PRTG: variants seen among roughly 807,000 people sequenced by gnomAD.
PRTG encodes the protein protogenin.
PRTG carries 67 observed loss-of-function variants against 122.5 expected under a neutral mutation model. The ratio of observed to expected loss-of-function variants is 0.55; its 90% CI spans 0.45 to 0.67. The LOEUF (loss-of-function observed/expected upper bound fraction) is 0.67, where lower values mean the gene tolerates loss of function less well. Ranked by LOEUF, PRTG falls within the 30% of genes least tolerant of loss-of-function variation. The probability of loss-of-function intolerance (pLI) is 0.00; values close to 1 mark genes in which losing one functional copy is unlikely to be tolerated. For synonymous variants in PRTG, 554 were observed against 501.1 expected (o/e 1.11, Z -1.41); for missense variants, 1,435 against 1,415.4 (o/e 1.01, Z -0.22).
At chr15:55,671,414 T>C (rs900517264) in intron 11 of PRTG, among the ~76,000 whole-genome samples, 1 of 152,266 alleles carries the variant, frequency 6.6e-6, no homozygotes, top group Admixed American at 6.5e-5. Flanking sequence ...AAAAATCTAC[T>C]TATGAGCAAC....
At chr15:55,713,974 CT>C (rs2030500658) in intron 2 of PRTG, among the ~76,000 whole-genome samples, 1 of 152,040 alleles carries the variant, frequency 6.6e-6, no homozygotes, top group Non-Finnish European at 1.5e-5. Context: ...ATTTTAAAAT[CT>C]TTCCCAATCC....
intron 2 of PRTG, among the ~76,000 whole-genome samples, chr15:55,687,462 T>C (rs986683900): frequency 3.9e-5 from 6 of 152,224 alleles, no homozygotes; most frequent in African/African-American, 1.4e-4. Context: ...TGTTGTTTTT[T>C]CACTCTGAAT....
At chr15:55,643,388 AG>A (rs2059303298) in intron 11 of PRTG, among the ~76,000 whole-genome samples, 1 of 152,160 alleles carries the variant, frequency 6.6e-6, no homozygotes, top group Non-Finnish European at 1.5e-5. Flanking sequence ...AAACACCATA[AG>A]GTAGATGTTA....
intron 2 of PRTG, among the ~76,000 whole-genome samples, chr15:55,684,515 CTT>C (rs953075978): frequency 9.9e-5 from 15 of 152,234 alleles, no homozygotes; most frequent in African/African-American, 3.4e-4. Flanking sequence ...CAGATCAAGA[CTT>C]TATGGGAAAG....
At chr15:55,685,520 G>A (rs897566327) in intron 2 of PRTG, among the ~76,000 whole-genome samples, 1 of 152,118 alleles carries the variant, frequency 6.6e-6, no homozygotes, top group African/African-American at 2.4e-5. Flanking sequence ...GTTATGTAAT[G>A]CATGGTATTA....
At chr15:55,661,001 A>G (rs1344343715) in intron 11 of PRTG, among the ~76,000 whole-genome samples, 2 of 152,154 alleles carry the variant, frequency 1.3e-5, no homozygotes, top group Non-Finnish European at 2.9e-5. Flanking sequence ...TTTTGTTCTC[A>G]TGTGTTTTTT....
At chr15:55,673,187 CAAAT>C (rs1355048132) in intron 10 of PRTG, among the ~76,000 whole-genome samples, 180 bp downstream of exon 10, 3 of 152,090 alleles carry the variant, frequency 2.0e-5, no homozygotes, top group African/African-American at 7.2e-5. Context: ...AGTTTACACA[CAAAT>C]AAACTCTATG....
At position 55,641,057 on chromosome 15, in the gene PRTG, G is replaced by A. The variant is rs540537208; in HGVS notation, c.2137+56C>T. 94 of 1,163,422 alleles carry A rather than the reference G, an allele frequency of 8.1e-5. No homozygotes were observed. The African/African-American group carries it at 1.3e-3, about 16-fold the overall frequency. The allele number at this position is 1,163,422 out of a possible 1,614,324, so 72.1% of individuals were successfully genotyped here. A position where few individuals can be genotyped will look rare whatever the true frequency, so the allele number is the denominator to read the frequency against. ...GTGAGACTGTAACTTAAAGGAGGAG[G>A]AGGAGAAAGAACGGTGTGAGCCATA... is the stretch of plus-strand genomic sequence containing the variant. On this transcript the variant is annotated intron_variant, in intron 12 of 19. Coordinates refer to ENST00000389286, the MANE Select transcript of PRTG (RefSeq NM_173814.6).
chr15:55,735,718 T>TG (rs1555438265), intron 2 of PRTG, among the ~76,000 whole-genome samples: 1 of 114,306 alleles, frequency 8.7e-6, no homozygotes, highest in Non-Finnish European at 1.7e-5. Context: ...CATGCTTTGC[T>TG]AAAAAAAAAA....
At chr15:55,685,984 T>G (rs2059568374) in intron 2 of PRTG, among the ~76,000 whole-genome samples, 2 of 152,204 alleles carry the variant, frequency 1.3e-5, no homozygotes. Flanking sequence ...GATGTTTATC[T>G]GCAAACATTT....
chr15:55,671,292 G>C (rs947697701), intron 11 of PRTG, among the ~76,000 whole-genome samples: 2 of 152,166 alleles, frequency 1.3e-5, no homozygotes, highest in Admixed American at 1.3e-4. Flanking sequence ...TCTGTGAAAG[G>C]AAAAGCCAGA....
At chr15:55,691,296 CAAAAAAAA>C (rs59129695) in intron 2 of PRTG, among the ~76,000 whole-genome samples, 1 of 82,832 alleles carries the variant, frequency 1.2e-5, no homozygotes, top group Non-Finnish European at 2.9e-5. Context: ...AACTCTGTTT[CAAAAAAAA>C]AAAAAAAAAA....
chr15:55,679,949 C>A, intron 6 of PRTG, 105 bp downstream of exon 6: 1 of 808,626 alleles, frequency 1.2e-6, no homozygotes, highest in Non-Finnish European at 2.0e-6. Context: ...TACAATACTT[C>A]ATATCAATGC....
intron 2 of PRTG, among the ~76,000 whole-genome samples, chr15:55,730,914 A>AT (rs2031209104): frequency 6.6e-6 from 1 of 152,204 alleles, no homozygotes; most frequent in African/African-American, 2.4e-5. Flanking sequence ...TATTTGCAAA[A>AT]TAAGTTTCTA....
At chr15:55,627,492 GTTTTT>G (rs35022592) in intron 16 of PRTG, among the ~76,000 whole-genome samples, 1 of 104,774 alleles carries the variant, frequency 9.5e-6, no homozygotes, top group Admixed American at 1.0e-4. Flanking sequence ...GCCCAGCTAA[GTTTTT>G]TTTTTTTTTT....
rs576877747 is a variant in PRTG at position 55,652,765 on chromosome 15, G to A, written c.2042-11557C>T. ...AACACAAATCACATTTGCACAATGC[G>A]ATCTGCCTTCAAGTTTTCCAAATGT... On this transcript the variant is annotated intron_variant, in intron 11 of 19. Coordinates refer to ENST00000389286, the MANE Select transcript of PRTG (RefSeq NM_173814.6). 1.3e-3 allele frequency among the ~76,000 whole-genome samples: 192 copies of A among 152,222 alleles called. 2 individuals are homozygous for A. Among genetic ancestry groups the A allele is most frequent in the African/African-American group, 4.5e-3 (186 of 41,542 alleles).
At position 55,612,286 on chromosome 15, in the gene PRTG, G is replaced by T. The variant is rs921803515; in HGVS notation, c.*7726C>A. On this transcript the variant is annotated 3_prime_UTR_variant, in exon 20 of 20. Coordinates refer to ENST00000389286, the MANE Select transcript of PRTG (RefSeq NM_173814.6). ...TGTAATATTTTTGTTTTTAAAGACA[G>T]TTCCATAGAAAAAATAAACTTCTGT... The T allele has an allele frequency of 1.3e-5, 2 of 151,878 alleles. No homozygotes were observed. Among genetic ancestry groups the T allele is most frequent in the African/African-American group, 4.8e-5 (2 of 41,352 alleles). The allele number at this position is 151,878 out of a possible 1,614,324, so 9.4% of individuals were successfully genotyped here.
In PRTG at chr15:55,683,806, G is replaced by A. The variant is rs768097350; in HGVS notation, c.523C>T (p.Leu175=). Residue 175 remains leucine (L), a synonymous_variant, in exon 3 of 20, where the codon CTA becomes TTA. Coordinates refer to ENST00000389286, the MANE Select transcript of PRTG (RefSeq NM_173814.6). ...VITWEFNRTT[L]PMTMDRITAL... ...ATCTACCTGTCCATAGTCATAGGTA[G>A]AGTTGTCCGATTGAACTCCCATGTT... 5.6e-6 allele frequency: 9 copies of A among 1,613,704 alleles called. No individual in the cohort carries two copies. The highest frequency in any genetic ancestry group is 7.6e-6 in the Non-Finnish European group (9 of 1,179,860).
chr15:55,682,456 A>C lies in PRTG; in HGVS notation c.584T>G (p.Val195Gly), dbSNP rs2059544628. The C allele has an allele frequency of 6.3e-7, 1 of 1,599,116 alleles. No individual in the cohort carries two copies. Among genetic ancestry groups the C allele is most frequent in the Non-Finnish European group, 8.5e-7 (1 of 1,171,124 alleles). The change falls in exon 4 of 20, where the codon GTC becomes GGC. Residue 195 changes from valine to glycine, a missense_variant. Transcript: ENST00000389286. The part of the protein sequence containing the change: ...LPTGVLQIYD[V>G]SQRDSGNYRC... ...ATAATTTCCAGAATCCCTTTGGCTG[A>C]CATCATAGATCTGCAATACTCCTGT... is the stretch of plus-strand genomic sequence containing the variant.
Sources: allele counts gnomAD v4.1 joint callset (sites outside exome capture counted in the v4.1 genomes callset), GRCh38; gene constraint gnomAD v4.1.1; transcripts MANE v1.5; gene names NCBI Gene and HGNC (gene_info 2026-07-23, HGNC 2026-07-21).